Variants in ALK observed in about 807,000 individuals in gnomAD.
ALK encodes the protein ALK tyrosine kinase receptor.
A neutral mutation model predicts 163.1 loss-of-function variants in ALK; 74 were observed. The observed-to-expected ratio is 0.45, with a 90% confidence interval of 0.38 to 0.55. The LOEUF (loss-of-function observed/expected upper bound fraction) is 0.55. Among genes scored for constraint, ALK ranks in the 20% least tolerant of loss-of-function variants. The probability of loss-of-function intolerance (pLI) is 0.00; values close to 1 mark genes in which losing one functional copy is unlikely to be tolerated. For synonymous variants in ALK, 960 were observed against 843.2 expected, an observed-to-expected ratio of 1.14 and a Z score of -2.40; for missense variants, 2,063 against 2,105.3, an observed-to-expected ratio of 0.98 and a Z score of 0.39.
At chr2:29,204,583 C>G (rs1378373763) in intron 26 of ALK, among the ~76,000 whole-genome samples, 1 of 152,132 alleles carries the variant, frequency 6.6e-6, no homozygotes, top group East Asian at 1.9e-4. Flanking sequence ...TGACCCAGCC[C>G]TGTTGTTATT....
intron 1 of ALK, among the ~76,000 whole-genome samples, chr2:29,810,803 C>CTGTATT (rs1664738849): frequency 6.6e-6 from 1 of 152,074 alleles, no homozygotes; most frequent in South Asian, 2.1e-4. Flanking sequence ...CCCAATGCAA[C>CTGTATT]TGTATTTAAA....
intron 4 of ALK, among the ~76,000 whole-genome samples, chr2:29,438,357 T>C (rs1222102696): frequency 6.6e-6 from 1 of 152,202 alleles, no homozygotes; most frequent in Non-Finnish European, 1.5e-5. Flanking sequence ...CATGAGCTGG[T>C]CATAGAAGAA....
At chr2:29,847,481 C>T (rs532272276) in intron 1 of ALK, among the ~76,000 whole-genome samples, 1 of 152,204 alleles carries the variant, frequency 6.6e-6, no homozygotes, top group African/African-American at 2.4e-5. Flanking sequence ...GTGATGACAG[C>T]GTTGTGAAGT....
At chr2:29,440,127 G>A (rs540997081) in intron 4 of ALK, among the ~76,000 whole-genome samples, 36 of 151,858 alleles carry the variant, frequency 2.4e-4, no homozygotes, top group African/African-American at 7.7e-4. Flanking sequence ...CCAGCTATTC[G>A]GGAGGCTGAG....
At chr2:29,615,811 T>C (rs935643320) in intron 3 of ALK, among the ~76,000 whole-genome samples, 7 of 152,232 alleles carry the variant, frequency 4.6e-5, no homozygotes, top group African/African-American at 1.7e-4. Flanking sequence ...AGGCAGTTTA[T>C]TTTAATAGGA....
intron 2 of ALK, 152 bp from the exon 3 acceptor site, chr2:29,695,166 A>G: frequency 1.2e-6 from 1 of 812,682 alleles, no homozygotes; most frequent in Non-Finnish European, 2.0e-6. Context: ...AGGGCTCTGT[A>G]TTGGTGAAAA....
At chr2:29,620,287 C>A (rs187550346) in intron 3 of ALK, among the ~76,000 whole-genome samples, 18 of 152,196 alleles carry the variant, frequency 1.2e-4, no homozygotes, top group African/African-American at 4.1e-4. Flanking sequence ...GCCCTTCTCC[C>A]TGGTTTACAG....
chr2:29,914,006 G>C (rs1341801033), intron 1 of ALK, among the ~76,000 whole-genome samples: 2 of 152,132 alleles, frequency 1.3e-5, no homozygotes, highest in African/African-American at 4.8e-5. Flanking sequence ...TGATTCCGCT[G>C]TAACATCTCT....
chr2:29,430,805 C>T (rs1006030713), intron 4 of ALK, among the ~76,000 whole-genome samples: 45 of 152,178 alleles, frequency 3.0e-4, no homozygotes, highest in African/African-American at 1.0e-3. Context: ...GTATGCTTTC[C>T]TATGTACTCA....
intron 1 of ALK, among the ~76,000 whole-genome samples, chr2:29,758,489 G>C (rs1211217008): frequency 6.6e-6 from 1 of 152,120 alleles, no homozygotes; most frequent in Non-Finnish European, 1.5e-5. Context: ...TTTGACTCCA[G>C]GGTTTCACTG....
At chr2:29,308,133 A>G (rs577445055) in intron 8 of ALK, among the ~76,000 whole-genome samples, 1 of 152,140 alleles carries the variant, frequency 6.6e-6, no homozygotes, top group South Asian at 2.1e-4. Context: ...AAAAACAATG[A>G]AATTAATTTA....
chr2:29,302,256 G>A (rs182985071), intron 8 of ALK, among the ~76,000 whole-genome samples: 3 of 152,306 alleles, frequency 2.0e-5, no homozygotes, highest in South Asian at 2.1e-4. Context: ...GGTGGCTCAC[G>A]CCTGTAATCC....
intron 3 of ALK, among the ~76,000 whole-genome samples, chr2:29,662,567 G>A (rs1007171493): frequency 1.3e-5 from 2 of 152,128 alleles, no homozygotes; most frequent in Non-Finnish European, 2.9e-5. Flanking sequence ...AATTTACATC[G>A]AGGAATATAA....
intron 1 of ALK, among the ~76,000 whole-genome samples, chr2:29,792,541 A>C (rs769119513): frequency 9.9e-5 from 15 of 152,202 alleles, no homozygotes; most frequent in Admixed American, 6.5e-5. Context: ...GGTATTTCAC[A>C]CATCTTTAGA....
chr2:29,675,152 A>C (rs3113347), intron 3 of ALK, among the ~76,000 whole-genome samples: 127,478 of 151,872 alleles, frequency 0.84, 53,716 homozygotes, highest in African/African-American at 0.91. Context: ...TATAATATGC[A>C]TACTGTTTAA....
intron 1 of ALK, among the ~76,000 whole-genome samples, chr2:29,850,102 T>C (rs189189770): frequency 6.6e-6 from 1 of 152,192 alleles, no homozygotes; most frequent in African/African-American, 2.4e-5. Context: ...ACAAGACAAA[T>C]CAATGGCAGT....
At chr2:29,850,672 G>A (rs1360894552) in intron 1 of ALK, among the ~76,000 whole-genome samples, 7 of 152,180 alleles carry the variant, frequency 4.6e-5, no homozygotes, top group Non-Finnish European at 8.8e-5. Context: ...GCCAGGCTCG[G>A]GGGTGTTTCC....
At chr2:29,333,593 T>C (rs1667519619) in intron 5 of ALK, among the ~76,000 whole-genome samples, 1 of 152,232 alleles carries the variant, frequency 6.6e-6, no homozygotes, top group African/African-American at 2.4e-5. Context: ...TATATTTTCA[T>C]TCTGTTTATA....
At chr2:29,686,235 A>G (rs912377154) in intron 3 of ALK, among the ~76,000 whole-genome samples, 40 of 152,138 alleles carry the variant, frequency 2.6e-4, no homozygotes, top group African/African-American at 8.9e-4. Context: ...ATCTAATCTG[A>G]CAAGTTCAGC....
Sources: allele counts gnomAD v4.1 joint callset (sites outside exome capture counted in the v4.1 genomes callset), GRCh38; gene constraint gnomAD v4.1.1; transcripts MANE v1.5; gene names NCBI Gene and HGNC (gene_info 2026-07-23, HGNC 2026-07-21).